Variants in MAN1C1 observed in about 807,000 individuals in gnomAD.
MAN1C1 encodes mannosyl-oligosaccharide 1,2-alpha-mannosidase IC.
In MAN1C1, 49 loss-of-function variants were observed where a neutral mutation model predicts 71.5. That is an observed-to-expected ratio of 0.69 (90% confidence interval 0.54 to 0.87). The LOEUF is 0.87. Ranked by LOEUF, MAN1C1 falls within the 40% of genes least tolerant of loss-of-function variation. The pLI is 0.00. For synonymous variants in MAN1C1, 352 were observed against 343.7 expected (o/e 1.02, Z -0.27); for missense variants, 743 against 835.0 (o/e 0.89, Z 1.36).
chr1:25,674,339 T>G (rs1278477818), intron 1 of MAN1C1, among the ~76,000 whole-genome samples: 1 of 152,180 alleles, frequency 6.6e-6, no homozygotes, highest in African/African-American at 2.4e-5. Context: ...GTCACCATCC[T>G]TAGTCATTTA....
At chr1:25,710,987 A>G (rs1044525073) in intron 2 of MAN1C1, among the ~76,000 whole-genome samples, 2 of 152,132 alleles carry the variant, frequency 1.3e-5, no homozygotes, top group Non-Finnish European at 2.9e-5. Flanking sequence ...TTGCTGTGTA[A>G]CAAACCACCC....
intron 1 of MAN1C1, among the ~76,000 whole-genome samples, chr1:25,673,462 G>A (rs775173433): frequency 2.0e-5 from 3 of 152,058 alleles, no homozygotes; most frequent in Non-Finnish European, 4.4e-5. Context: ...CTGAAAATGA[G>A]AGTAATGTTA....
At chr1:25,742,485 T>G (rs567036466) in intron 2 of MAN1C1, among the ~76,000 whole-genome samples, 1 of 152,180 alleles carries the variant, frequency 6.6e-6, no homozygotes, top group Non-Finnish European at 1.5e-5. Context: ...CACGTTGCCC[T>G]GCAGGGTGAG....
At chr1:25,723,399 A>G (rs1400884881) in intron 2 of MAN1C1, among the ~76,000 whole-genome samples, 1 of 152,216 alleles carries the variant, frequency 6.6e-6, no homozygotes, top group Non-Finnish European at 1.5e-5. Context: ...CACCAATCCC[A>G]GAGCCTTTGG....
chr1:25,644,607 C>T (rs900970002), intron 1 of MAN1C1: 54 of 139,384 alleles, frequency 3.9e-4, no homozygotes, highest in African/African-American at 1.4e-3. Context: ...CTCACTGTAG[C>T]GTCCGTCTCC....
rs894111186 is a variant in MAN1C1, at chr1:25,776,377, C to G, written c.1258-1728C>G. Reference sequence around the variant, plus strand: ...ACCAGCCTGGCCAACATGGTGAAACCCCATCTCTACTAAAAATACAAAAAT... The same window carrying G: ...ACCAGCCTGGCCAACATGGTGAAACGCCATCTCTACTAAAAATACAAAAAT... On this transcript the variant is annotated intron_variant, in intron 8 of 11. Transcript: ENST00000374332. The surrounding 1 kb of genome is among the most constrained non-coding windows in gnomAD (Gnocchi z 4.3). Among the ~76,000 whole-genome samples, 4 of 151,972 alleles carry G rather than the reference C, an allele frequency of 2.6e-5. No individual in the cohort carries two copies. The highest frequency in any genetic ancestry group is 7.2e-5 in the African/African-American group (3 of 41,380).
At chr1:25,664,454 C>T (rs1334198947) in intron 1 of MAN1C1, among the ~76,000 whole-genome samples, 3 of 152,120 alleles carry the variant, frequency 2.0e-5, no homozygotes, top group Non-Finnish European at 4.4e-5. Context: ...TCCATGTATC[C>T]CCACGTTGAA....
chr1:25,681,141 G>A (rs1049616754), intron 1 of MAN1C1, among the ~76,000 whole-genome samples: 2 of 151,370 alleles, frequency 1.3e-5, no homozygotes, highest in Admixed American at 6.6e-5. Context: ...CAGGAGAATC[G>A]CTTGAACCCG....
At chr1:25,713,929 G>A (rs182387692) in intron 2 of MAN1C1, among the ~76,000 whole-genome samples, 3 of 152,220 alleles carry the variant, frequency 2.0e-5, no homozygotes, top group Non-Finnish European at 2.9e-5. Context: ...ATCAACCTTC[G>A]TGTTTCCTGT....
chr1:25,664,970 G>T (rs1416411959), intron 1 of MAN1C1, among the ~76,000 whole-genome samples: 1 of 152,176 alleles, frequency 6.6e-6, no homozygotes, highest in African/African-American at 2.4e-5. Context: ...ATTATCACTT[G>T]TGAGAACTTA....
chr1:25,727,121 T>C lies in MAN1C1; in HGVS notation c.638-19547T>C, dbSNP rs555965287. Among the ~76,000 whole-genome samples the C allele has an allele frequency of 2.6e-5, 4 of 152,224 alleles. No individual in the cohort carries two copies. In the South Asian group the frequency reaches 8.3e-4, roughly 32 times the overall value. ...GAAGGCTGTATTAGACACATAACCATGATGATCATGGAGGCTGCTAGACCC... is the reference window on the plus strand; with the variant it reads ...GAAGGCTGTATTAGACACATAACCACGATGATCATGGAGGCTGCTAGACCC... On this transcript the variant is annotated intron_variant, in intron 2 of 11. Transcript: ENST00000374332.
intron 7 of MAN1C1, among the ~76,000 whole-genome samples, chr1:25,771,347 CACTT>C (rs376552693): frequency 7.4e-4 from 112 of 152,366 alleles, no homozygotes; most frequent in African/African-American, 2.4e-3. Flanking sequence ...AAATGCAACT[CACTT>C]ACAGTTAATA....
In MAN1C1 at chr1:25,763,825, C is replaced by A; in HGVS notation, c.1048-49C>A. ...CCATCCTCAGCAGGCTGGGTGCAGT[C>A]GGCTTCTTCGGAAGCATGAAGGCTC... On this transcript the variant is annotated intron_variant, in intron 6 of 11. Transcript: ENST00000374332. 3 of 1,491,370 alleles carry A rather than the reference C, an allele frequency of 2.0e-6. No homozygotes were observed. In the South Asian group the frequency reaches 3.4e-5, roughly 17 times the overall value. The allele number at this position is 1,491,370 out of a possible 1,614,324, so 92.4% of individuals were successfully genotyped here. A position where few individuals can be genotyped will look rare whatever the true frequency, so the allele number is the denominator to read the frequency against.
intron 7 of MAN1C1, among the ~76,000 whole-genome samples, chr1:25,770,464 G>A (rs981653466): frequency 1.3e-5 from 2 of 152,048 alleles, no homozygotes; most frequent in African/African-American, 4.8e-5. Context: ...CTTTCTCTAC[G>A]TATCTCTGTC....
intron 2 of MAN1C1, among the ~76,000 whole-genome samples, chr1:25,728,961 G>T (rs569336118): frequency 6.6e-6 from 1 of 152,310 alleles, no homozygotes; most frequent in South Asian, 2.1e-4. Flanking sequence ...CTCGCTGTGT[G>T]GCTCTGACCC....
chr1:25,743,008 A>C (rs2047081905), intron 2 of MAN1C1, among the ~76,000 whole-genome samples: 3 of 152,202 alleles, frequency 2.0e-5, no homozygotes, highest in South Asian at 4.1e-4. Flanking sequence ...AGTCTGTGCC[A>C]AGCATATAGG....
At chr1:25,628,706 C>T (rs1343665784) in intron 1 of MAN1C1, among the ~76,000 whole-genome samples, 1 of 152,088 alleles carries the variant, frequency 6.6e-6, no homozygotes, top group South Asian at 2.1e-4. Context: ...CCCCCTTAAT[C>T]CAAGTAGTAT....
intron 2 of MAN1C1, among the ~76,000 whole-genome samples, chr1:25,745,156 C>G (rs1302599979): frequency 1.3e-5 from 2 of 152,204 alleles, no homozygotes; most frequent in South Asian, 4.1e-4. Flanking sequence ...ACTCTTCTGT[C>G]TGGTTCATGG....
rs1026328911 is a variant in MAN1C1 at position 25,670,782 on chromosome 1, C to T, written c.541-15658C>T. On this transcript the variant is annotated intron_variant, in intron 1 of 11. Transcript: ENST00000374332. ...CCAAATGTTGGCAAAAGGAGAGAGA[C>T]TGGTCTTACCTCTGAGGGTGGTTGG... Among the ~76,000 whole-genome samples, 31 of 152,336 alleles carry T rather than the reference C, an allele frequency of 2.0e-4. 1 individual carries two copies. Among genetic ancestry groups the T allele is most frequent in the African/African-American group, 7.5e-4 (31 of 41,584 alleles).
Sources: gnomAD v4.1 joint callset for allele counts (sites outside exome capture counted in the v4.1 genomes callset) on GRCh38, gnomAD v4.1.1 for gene constraint, Gnocchi (gnomAD v3.1) non-coding constraint, MANE v1.5 for transcripts, NCBI Gene and HGNC (gene_info 2026-07-23, HGNC 2026-07-21) for gene names.